Variants in SLC25A13 observed in about 807,000 individuals in gnomAD.
The protein encoded by SLC25A13 is solute carrier family 25 member 13.
SLC25A13 carries 70 observed loss-of-function variants against 85.5 expected under a neutral mutation model. The observed-to-expected ratio is 0.82, with a 90% CI of 0.68 to 1.00. The LOEUF (loss-of-function observed/expected upper bound fraction) is 1.00, where lower values mean the gene tolerates loss of function less well. Among genes scored for constraint, SLC25A13 ranks in the 50% least tolerant of loss-of-function variants. The probability of loss-of-function intolerance (pLI) is 0.00; values close to 1 mark genes in which losing one functional copy is unlikely to be tolerated. For synonymous variants in SLC25A13, 259 were observed against 288.7 expected (o/e 0.90, Z 1.04); for missense variants, 765 against 819.8 (o/e 0.93, Z 0.82).
chr7:96,177,848 T>G (rs1794284150), intron 11 of SLC25A13, among the ~76,000 whole-genome samples: 1 of 152,208 alleles, frequency 6.6e-6, no homozygotes, highest in Non-Finnish European at 1.5e-5. Context: ...GGCCTGCCAG[T>G]ACTCTCAAAT....
At position 96,320,808 on chromosome 7, in the gene SLC25A13, G is replaced by T. The variant is rs113790781; in HGVS notation, c.15+1134C>A. ...CTGGAGAGACTTAAGTCATAGAACA[G>T]CATTTAAATATATTTGTCTGCTTAC... is the stretch of plus-strand genomic sequence containing the variant. On this transcript the variant is annotated intron_variant, in intron 1 of 17. Transcript: ENST00000265631. Among the ~76,000 whole-genome samples, 496 of 152,300 alleles carry T rather than the reference G, an allele frequency of 3.3e-3. 1 individual carries two copies. The highest frequency in any genetic ancestry group is 0.011 in the African/African-American group (460 of 41,566).
intron 14 of SLC25A13, among the ~76,000 whole-genome samples, 180 bp downstream of exon 14, chr7:96,146,376 G>A (rs1276713299): frequency 6.6e-6 from 1 of 151,824 alleles, no homozygotes; most frequent in Non-Finnish European, 1.5e-5. Context: ...TAGTTTTTTG[G>A]CAGATGGCAG....
At chr7:96,310,242 T>C (rs1160326281) in intron 1 of SLC25A13, among the ~76,000 whole-genome samples, 1 of 152,192 alleles carries the variant, frequency 6.6e-6, no homozygotes, top group Non-Finnish European at 1.5e-5. Context: ...GGCTCAAGCA[T>C]TGTATTTGGT....
chr7:96,288,643 G>A (rs1007068337), intron 2 of SLC25A13, among the ~76,000 whole-genome samples: 1 of 152,204 alleles, frequency 6.6e-6, no homozygotes, highest in African/African-American at 2.4e-5. Flanking sequence ...CGCTCGGAGG[G>A]TCCCACGCCC....
Position 96,298,512 on chromosome 7 carries a change from C to T in SLC25A13, c.16-1561G>A, listed in dbSNP as rs1288526963. 2.0e-5 allele frequency among the ~76,000 whole-genome samples: 3 copies of T among 152,176 alleles called. No individual in the cohort carries two copies. In the East Asian group the frequency reaches 5.8e-4, roughly 29 times the overall value. On this transcript the variant is annotated intron_variant, in intron 1 of 17. Transcript: ENST00000265631. ...GCAATGATGCAGTCTTAGCTCACTG[C>T]AACCTCAGCCTCCCAGGTTCAAACG...
chr7:96,146,536 T>TAAAA lies in SLC25A13; in HGVS notation c.1452+16_1452+19dup. ...ATGAGAAAGTAATCAAATAAATGAC[T>TAAAA]AAAAAAAAAAAAAAGTTACCTTGTA... On this transcript the variant is annotated intron_variant, in intron 14 of 17. Coordinates refer to ENST00000265631, the MANE Select transcript of SLC25A13 (RefSeq NM_014251.3). 1 of 1,385,978 alleles carries TAAAA rather than the reference T, an allele frequency of 7.2e-7. No homozygotes were observed. The highest frequency in any genetic ancestry group is 1.0e-6 in the Non-Finnish European group (1 of 1,004,666). 85.9% of individuals were successfully genotyped at this position (1,385,978 alleles called of 1,614,324 possible).
chr7:96,149,878 G>A (rs886803150), intron 13 of SLC25A13, among the ~76,000 whole-genome samples: 4 of 152,146 alleles, frequency 2.6e-5, no homozygotes, highest in East Asian at 1.9e-4. Flanking sequence ...TAGCTGAATC[G>A]GCAGACAATG....
At chr7:96,303,397 C>T (rs74899483) in intron 1 of SLC25A13, among the ~76,000 whole-genome samples, 1,726 of 151,982 alleles carry the variant, frequency 0.011, 30 homozygotes, top group African/African-American at 0.04. Flanking sequence ...AAGCAGGAAA[C>T]GGAGAGAGAA....
intron 2 of SLC25A13, among the ~76,000 whole-genome samples, chr7:96,291,068 T>C (rs1408366719): frequency 2.0e-5 from 3 of 152,158 alleles, no homozygotes; most frequent in Non-Finnish European, 4.4e-5. Context: ...ACAGAAACTA[T>C]AACAAACTGT....
At chr7:96,244,127 C>A (rs745726805) in intron 3 of SLC25A13, among the ~76,000 whole-genome samples, 2 of 152,046 alleles carry the variant, frequency 1.3e-5, no homozygotes, top group African/African-American at 2.4e-5. Context: ...GGCTTAATTA[C>A]GTGGGGTCTG....
chr7:96,180,106 C>T (rs916150881), intron 11 of SLC25A13, among the ~76,000 whole-genome samples: 2 of 152,128 alleles, frequency 1.3e-5, no homozygotes, highest in Admixed American at 6.5e-5. Context: ...TTGCACTACA[C>T]AGACAACTTG....
chr7:96,143,284 G>A (rs1388891810), intron 14 of SLC25A13, among the ~76,000 whole-genome samples: 3 of 152,102 alleles, frequency 2.0e-5, no homozygotes, highest in African/African-American at 7.2e-5. Flanking sequence ...CAGCTCCTAC[G>A]GAAAAGGTAA....
At chr7:96,170,186 T>A (rs1321702216) in intron 12 of SLC25A13, 61 bp from the exon 13 acceptor site, 13 of 1,400,432 alleles carry the variant, frequency 9.3e-6, no homozygotes, top group Non-Finnish European at 1.2e-5. Context: ...TAAACACTTA[T>A]AAATATGCAT....
chr7:96,187,039 CAT>C (rs1794669072), intron 9 of SLC25A13, among the ~76,000 whole-genome samples: 1 of 152,126 alleles, frequency 6.6e-6, no homozygotes, highest in East Asian at 1.9e-4. Flanking sequence ...GTCAGTCAGT[CAT>C]TGTTTTCTGG....
chr7:96,198,759 A>G (rs1267390180), intron 5 of SLC25A13, among the ~76,000 whole-genome samples: 1 of 152,132 alleles, frequency 6.6e-6, no homozygotes, highest in African/African-American at 2.4e-5. Context: ...AGACTTTAAG[A>G]AAATTTTGAT....
chr7:96,282,001 T>C (rs922131902), intron 2 of SLC25A13, among the ~76,000 whole-genome samples: 2 of 152,154 alleles, frequency 1.3e-5, no homozygotes, highest in African/African-American at 2.4e-5. Context: ...AGGGTCCCTA[T>C]AGGGGGAACG....
chr7:96,262,871 C>A (rs540125709), intron 3 of SLC25A13, among the ~76,000 whole-genome samples: 7 of 152,206 alleles, frequency 4.6e-5, no homozygotes, highest in African/African-American at 1.7e-4. Context: ...TAATTCTCCA[C>A]CTCCCTTTAT....
intron 11 of SLC25A13, among the ~76,000 whole-genome samples, chr7:96,182,048 T>C (rs1794439031): frequency 6.6e-6 from 1 of 152,170 alleles, no homozygotes; most frequent in African/African-American, 2.4e-5. Flanking sequence ...TAACCATGAG[T>C]TACCTACATT....
chr7:96,318,315 C>T (rs1040495995), intron 1 of SLC25A13, among the ~76,000 whole-genome samples: 2 of 152,156 alleles, frequency 1.3e-5, no homozygotes, highest in African/African-American at 4.8e-5. Flanking sequence ...GAAAGCTCTC[C>T]TTTAACCAAG....
Sources: gnomAD v4.1 joint callset for allele counts (sites outside exome capture counted in the v4.1 genomes callset) on GRCh38, gnomAD v4.1.1 for gene constraint, MANE v1.5 for transcripts, NCBI Gene and HGNC (gene_info 2026-07-23, HGNC 2026-07-21) for gene names.